Variants in FBLN2 observed in about 807,000 individuals in gnomAD.
FBLN2 encodes fibulin-2.
FBLN2 carries 81 observed loss-of-function variants against 123.7 expected under a neutral mutation model. The ratio of observed to expected loss-of-function variants is 0.65; its 90% confidence interval spans 0.55 to 0.79. FBLN2 has a LOEUF of 0.79. Among genes scored for constraint, FBLN2 ranks in the 30% least tolerant of loss-of-function variants. The pLI is 0.00. For missense variants in FBLN2, 1,603 were observed against 1,681.3 expected (o/e 0.95, Z 0.81); for synonymous variants, 699 against 701.4 (o/e 1.00, Z 0.05).
In FBLN2 at chr3:13,626,584, G is replaced by A; in HGVS notation, c.2431+5G>A. 9 of 1,533,234 alleles carry A rather than the reference G, an allele frequency of 5.9e-6. No homozygotes were observed. The highest frequency in any genetic ancestry group is 7.9e-6 in the Non-Finnish European group (9 of 1,134,330). 95.0% of individuals were successfully genotyped at this position (1,533,234 alleles called of 1,614,324 possible). The stretch of plus-strand genomic sequence containing the variant: ...TCAAGGATGGCGAGTGCGAAGGTGA[G>A]AAGGGCCCAGAAGGACCAACTGGAG... On this transcript the variant is annotated splice_donor_5th_base_variant and intron_variant, in intron 10 of 17. Coordinates refer to ENST00000404922, the MANE Select transcript of FBLN2 (RefSeq NM_001004019.2).
chr3:13,575,715 C>A (rs1473847209), intron 2 of FBLN2, among the ~76,000 whole-genome samples: 3 of 152,100 alleles, frequency 2.0e-5, no homozygotes, highest in Admixed American at 6.5e-5. Flanking sequence ...GGGGCTGCTT[C>A]TATTTCAGAA....
At chr3:13,587,158 A>AAAAT (rs1559409323) in intron 2 of FBLN2, among the ~76,000 whole-genome samples, 79 of 148,472 alleles carry the variant, frequency 5.3e-4, no homozygotes, top group South Asian at 1.5e-3. Flanking sequence ...AAAAAAAAAA[A>AAAAT]AAATAAATAA....
In FBLN2 at chr3:13,549,176, C is replaced by A. The variant is rs1475089295; in HGVS notation, c.-74C>A. 6 of 983,058 alleles carry A rather than the reference C, an allele frequency of 6.1e-6. No individual in the cohort carries two copies. The East Asian group carries it at 4.6e-4, about 75-fold the overall frequency. 60.9% of individuals were successfully genotyped at this position (983,058 alleles called of 1,614,324 possible). ...CTCGACGCGCCGACGGCCGGGCGGA[C>A]GGACGGACGGACGCCGAGCGCAGTG... On this transcript the variant is annotated 5_prime_UTR_variant, in exon 1 of 18. Coordinates refer to ENST00000404922, the MANE Select transcript of FBLN2 (RefSeq NM_001004019.2).
intron 16 of FBLN2, among the ~76,000 whole-genome samples, chr3:13,633,655 C>T (rs1447819772): frequency 1.3e-5 from 2 of 152,182 alleles, no homozygotes; most frequent in East Asian, 3.9e-4. Context: ...GGGAGGCTGG[C>T]TTGGGGGAAA....
At chr3:13,549,914 C>T (rs1703277244) in intron 1 of FBLN2, among the ~76,000 whole-genome samples, 4 of 152,348 alleles carry the variant, frequency 2.6e-5, no homozygotes, top group South Asian at 2.1e-4. Context: ...AGGCATGCCT[C>T]TAGCAGACAG....
chr3:13,622,007 C>G (rs183123729), intron 9 of FBLN2, 92 bp downstream of exon 9: 25 of 1,418,222 alleles, frequency 1.8e-5, no homozygotes, highest in Non-Finnish European at 2.2e-5. Flanking sequence ...GCCAAAGGGC[C>G]TGCCCTTTGC....
At chr3:13,595,404 T>G (rs1245539184) in intron 2 of FBLN2, among the ~76,000 whole-genome samples, 3 of 152,144 alleles carry the variant, frequency 2.0e-5, no homozygotes, top group Non-Finnish European at 4.4e-5. Context: ...CCCTGCTGGT[T>G]TCTGTGATCC....
chr3:13,557,315 G>T (rs903251330), intron 1 of FBLN2, among the ~76,000 whole-genome samples: 9 of 152,218 alleles, frequency 5.9e-5, no homozygotes, highest in Non-Finnish European at 1.0e-4. Context: ...AGACATTTTG[G>T]GGTTAAGTCA....
At chr3:13,553,302 G>A (rs1364286497) in intron 1 of FBLN2, among the ~76,000 whole-genome samples, 7 of 152,194 alleles carry the variant, frequency 4.6e-5, no homozygotes, top group Admixed American at 3.9e-4. Flanking sequence ...CAGCCCAGGT[G>A]TAGGAGTGGG....
intron 2 of FBLN2, among the ~76,000 whole-genome samples, chr3:13,585,611 C>G (rs766286732): frequency 3.9e-5 from 6 of 152,164 alleles, no homozygotes; most frequent in Non-Finnish European, 7.3e-5. Flanking sequence ...GCAAACCTAC[C>G]GCACTGCCAG....
chr3:13,629,150 C>G lies in FBLN2; in HGVS notation c.2714-14C>G. 5 of 1,612,778 alleles carry G rather than the reference C, an allele frequency of 3.1e-6. No individual in the cohort carries two copies. Among genetic ancestry groups the G allele is most frequent in the Non-Finnish European group, 3.4e-6 (4 of 1,179,500 alleles). On this transcript the variant is annotated splice_polypyrimidine_tract_variant and intron_variant, in intron 12 of 17. Transcript: ENST00000404922. ...GAGCCCCAGGCCTCAAGGTACCCTG[C>G]TCACCCCCCACAGACGTGAATGAGT... is the stretch of plus-strand genomic sequence containing the variant.
intron 2 of FBLN2, among the ~76,000 whole-genome samples, chr3:13,593,618 G>T (rs1362412766): frequency 6.6e-6 from 1 of 151,414 alleles, no homozygotes; most frequent in African/African-American, 2.4e-5. Context: ...GGAGGCTGAG[G>T]CGGGAGAATT....
chr3:13,559,486 A>G (rs985423834), intron 1 of FBLN2, among the ~76,000 whole-genome samples: 2 of 152,198 alleles, frequency 1.3e-5, no homozygotes, highest in African/African-American at 4.8e-5. Flanking sequence ...CTGTTTGCCC[A>G]GTGTTTTACC....
chr3:13,614,710 C>T (rs1335436083), intron 5 of FBLN2, among the ~76,000 whole-genome samples: 1 of 150,128 alleles, frequency 6.7e-6, no homozygotes, highest in Non-Finnish European at 1.5e-5. Context: ...ACCCACCCAT[C>T]CATCTATCCA....
At chr3:13,630,316 ATGTG>A (rs1271581647) in intron 14 of FBLN2, among the ~76,000 whole-genome samples, 1 of 151,930 alleles carries the variant, frequency 6.6e-6, no homozygotes, top group African/African-American at 2.4e-5. Context: ...CATTATTCCC[ATGTG>A]TGTTCATGGT....
chr3:13,593,713 CAAA>C (rs59546141), intron 2 of FBLN2, among the ~76,000 whole-genome samples: 4 of 81,182 alleles, frequency 4.9e-5, no homozygotes, highest in Admixed American at 1.4e-4. Flanking sequence ...GACTCTATCT[CAAA>C]AAAAAAAAAA....
At chr3:13,619,939 AAG>A in intron 8 of FBLN2, 108 bp downstream of exon 8, 1 of 804,488 alleles carries the variant, frequency 1.2e-6, no homozygotes. Context: ...TTTGTGCAGG[AAG>A]AGTCTTGGCT....
chr3:13,604,478 T>G (rs1705140408), intron 2 of FBLN2, among the ~76,000 whole-genome samples: 1 of 152,252 alleles, frequency 6.6e-6, no homozygotes, highest in Non-Finnish European at 1.5e-5. Context: ...CAGCACCGTT[T>G]ATTAAATAGG....
intron 1 of FBLN2, among the ~76,000 whole-genome samples, chr3:13,557,241 C>A (rs573533690): frequency 1.2e-4 from 19 of 152,290 alleles, no homozygotes; most frequent in African/African-American, 3.6e-4. Context: ...GGGGACTGAG[C>A]GAGGCAGCCT....
Sources: allele counts gnomAD v4.1 joint callset (sites outside exome capture counted in the v4.1 genomes callset), GRCh38; gene constraint gnomAD v4.1.1; transcripts MANE v1.5; gene names NCBI Gene and HGNC (gene_info 2026-07-23, HGNC 2026-07-21).